FAM13B: variants seen among roughly 807,000 people sequenced by gnomAD.
FAM13B encodes the protein family with sequence similarity 13 member B, also known as protein FAM13B.
FAM13B carries 60 observed loss-of-function variants against 117.3 expected under a neutral mutation model. The observed-to-expected ratio is 0.51, with a 90% CI of 0.42 to 0.63. The LOEUF (loss-of-function observed/expected upper bound fraction) is 0.63, where lower values mean the gene tolerates loss of function less well. Among genes scored for constraint, FAM13B ranks in the 30% least tolerant of loss-of-function variants. FAM13B has a pLI of 0.00. For synonymous variants in FAM13B, 332 were observed against 356.1 expected (o/e 0.93, Z 0.76); for missense variants, 972 against 1,091.9 (o/e 0.89, Z 1.55).
At chr5:137,940,466 TG>T in intron 23 of FAM13B, 118 bp from the exon 24 acceptor site, 19 of 666,946 alleles carry the variant, frequency 2.8e-5, no homozygotes, top group East Asian at 5.7e-5. Context: ...AAAGTTGTTC[TG>T]TTAAAAAAAA....
chr5:138,017,827 T>C (rs1292362269), intron 4 of FAM13B, among the ~76,000 whole-genome samples: 1 of 152,230 alleles, frequency 6.6e-6, no homozygotes, highest in East Asian at 1.9e-4. Context: ...TTTAGCTAAG[T>C]GTTCAAGAAC....
chr5:138,026,700 G>A (rs1001985578), intron 1 of FAM13B, among the ~76,000 whole-genome samples: 2 of 150,536 alleles, frequency 1.3e-5, no homozygotes, highest in African/African-American at 4.9e-5. Context: ...AGCACTTTGG[G>A]AGGTCGAGAC....
At chr5:137,957,931 C>G (rs1767061017) in intron 13 of FAM13B, among the ~76,000 whole-genome samples, 1 of 152,226 alleles carries the variant, frequency 6.6e-6, no homozygotes, top group Non-Finnish European at 1.5e-5. Flanking sequence ...AACGCTGACG[C>G]TAGACAGAGA....
chr5:137,970,076 C>T (rs1290051748), intron 10 of FAM13B, among the ~76,000 whole-genome samples: 1 of 152,046 alleles, frequency 6.6e-6, no homozygotes, highest in Non-Finnish European at 1.5e-5. Context: ...TCTAGCAAGG[C>T]AGGCCAACGT....
chr5:138,001,902 A>T (rs1781357334), intron 7 of FAM13B, among the ~76,000 whole-genome samples: 1 of 152,154 alleles, frequency 6.6e-6, no homozygotes, highest in Non-Finnish European at 1.5e-5. Flanking sequence ...GCCAAAGGAG[A>T]ATGACCAAAG....
chr5:137,996,863 G>T (rs1779994704), intron 7 of FAM13B, among the ~76,000 whole-genome samples: 2 of 152,158 alleles, frequency 1.3e-5, no homozygotes, highest in South Asian at 4.1e-4. Context: ...CAAAGTGCTG[G>T]ATTACTGGCA....
intron 17 of FAM13B, among the ~76,000 whole-genome samples, chr5:137,949,814 A>G (rs936582800): frequency 1.8e-4 from 24 of 135,596 alleles, no homozygotes; most frequent in Middle Eastern, 3.8e-3. Context: ...AAAAAAAAAA[A>G]GCTGAGCACT....
At chr5:138,013,490 G>A (rs940089727) in intron 4 of FAM13B, among the ~76,000 whole-genome samples, 36 of 130,330 alleles carry the variant, frequency 2.8e-4, no homozygotes, top group Admixed American at 1.4e-3. Flanking sequence ...GACAGAGCAA[G>A]ACTCCATCTC....
At chr5:138,007,923 T>G (rs1782959848) in intron 6 of FAM13B, among the ~76,000 whole-genome samples, 1 of 152,216 alleles carries the variant, frequency 6.6e-6, no homozygotes, top group African/African-American at 2.4e-5. Context: ...TTAAAGACTC[T>G]GAGCAATGCA....
chr5:138,009,332 C>T (rs1204284547), intron 6 of FAM13B, among the ~76,000 whole-genome samples: 1 of 152,068 alleles, frequency 6.6e-6, no homozygotes, highest in African/African-American at 2.4e-5. Context: ...GGTAAGATTT[C>T]AACACAAAGG....
In FAM13B at chr5:137,946,331, A is replaced by T; in HGVS notation, c.2161-20T>A. On this transcript the variant is annotated intron_variant, in intron 18 of 23. Coordinates refer to ENST00000689681, the MANE Select transcript of FAM13B (RefSeq NM_001385994.1). ...CATTTTCTGGAATTAAACAAAAAAA[A>T]TAACAAAATACAAAAAAAAAAAAAC... is the stretch of plus-strand genomic sequence containing the variant. 1 of 1,502,654 alleles carries T rather than the reference A, an allele frequency of 6.7e-7. No individual in the cohort carries two copies. The allele number at this position is 1,502,654 out of a possible 1,614,324, so 93.1% of individuals were successfully genotyped here. A position where few individuals can be genotyped will look rare whatever the true frequency, so the allele number is the denominator to read the frequency against.
At position 138,018,461 on chromosome 5, in the gene FAM13B, C is replaced by G. The variant is rs150652906; in HGVS notation, c.211G>C (p.Glu71Gln). The G allele has an allele frequency of 3.2e-5, 51 of 1,614,014 alleles. No homozygotes were observed. The highest frequency in any genetic ancestry group is 4.1e-5 in the Non-Finnish European group (48 of 1,180,020). Residue 71 changes from glutamate (E) to glutamine (Q), a missense_variant, in exon 4 of 24, where the codon GAG becomes CAG. Coordinates refer to ENST00000689681, the MANE Select transcript of FAM13B (RefSeq NM_001385994.1). ...FQVNGNAETV[E>Q]WLRQRYDSGE... ...CTGTCGTATCTCTGCCGAAGCCACT[C>G]CACTGTCTCAGCATTTCCATTGACT... is the stretch of plus-strand genomic sequence containing the variant.
At chr5:138,024,551 G>C (rs1653897634) in intron 1 of FAM13B, among the ~76,000 whole-genome samples, 1 of 144,208 alleles carries the variant, frequency 6.9e-6, no homozygotes, top group Non-Finnish European at 1.5e-5. Flanking sequence ...GAAAATGAAT[G>C]CAACACCTAA....
chr5:137,957,788 G>A (rs954805766), intron 13 of FAM13B, among the ~76,000 whole-genome samples: 2 of 152,124 alleles, frequency 1.3e-5, no homozygotes, highest in African/African-American at 4.8e-5. Flanking sequence ...AACCAGGGCA[G>A]CTCAGGCACT....
chr5:138,043,128 C>T (rs549521289), intron 1 of FAM13B, among the ~76,000 whole-genome samples: 186 of 152,204 alleles, frequency 1.2e-3, no homozygotes, highest in Non-Finnish European at 1.7e-3. Flanking sequence ...AGAAATTGAC[C>T]AGGCCAGCAA....
intron 10 of FAM13B, among the ~76,000 whole-genome samples, chr5:137,977,179 C>T (rs1774274544): frequency 6.6e-6 from 1 of 152,096 alleles, no homozygotes; most frequent in Admixed American, 6.5e-5. Flanking sequence ...CGCTCCCAGG[C>T]TTATTAGGAC....
intron 1 of FAM13B, among the ~76,000 whole-genome samples, chr5:138,028,564 T>C (rs1048668787): frequency 3.3e-5 from 5 of 152,098 alleles, no homozygotes; most frequent in African/African-American, 1.2e-4. Flanking sequence ...TCTTCCCCAC[T>C]AGATTGTGAA....
chr5:137,971,502 G>A (rs1772134549), intron 10 of FAM13B, among the ~76,000 whole-genome samples: 1 of 146,294 alleles, frequency 6.8e-6, no homozygotes, highest in Non-Finnish European at 1.5e-5. Flanking sequence ...GTCCACAAGA[G>A]AAAGCAGGAA....
At position 138,010,314 on chromosome 5, in the gene FAM13B, C is replaced by A. The variant is rs185730950; in HGVS notation, c.690+694G>T. ...CATGTTATATCACACTTTTTAAAATCATTTTGTGGGGCCAGGTGTGGTGGC... is the reference window on the plus strand; with the variant it reads ...CATGTTATATCACACTTTTTAAAATAATTTTGTGGGGCCAGGTGTGGTGGC... On this transcript the variant is annotated intron_variant, in intron 6 of 23. Transcript: ENST00000689681. 2.5e-3 allele frequency among the ~76,000 whole-genome samples: 382 copies of A among 152,232 alleles called. 1 individual carries two copies. Among genetic ancestry groups the A allele is most frequent in the Non-Finnish European group, 4.0e-3 (270 of 68,018 alleles).
Sources: gnomAD v4.1 joint callset for allele counts (sites outside exome capture counted in the v4.1 genomes callset) on GRCh38, gnomAD v4.1.1 for gene constraint, MANE v1.5 for transcripts, NCBI Gene and HGNC (gene_info 2026-07-23, HGNC 2026-07-21) for gene names.